SPICE1: variants seen among roughly 807,000 people sequenced by gnomAD.
SPICE1 encodes the protein spindle and centriole associated protein 1, also known as spindle and centriole-associated protein 1.
In SPICE1, 75 loss-of-function variants were observed where a neutral mutation model predicts 102.7. That is an observed-to-expected ratio of 0.73 (90% CI 0.61 to 0.88). The LOEUF is 0.88. Among genes scored for constraint, SPICE1 ranks in the 40% least tolerant of loss-of-function variants. The probability of loss-of-function intolerance (pLI) is 0.00; values close to 1 mark genes in which losing one functional copy is unlikely to be tolerated. For synonymous variants in SPICE1, 308 were observed against 350.3 expected (o/e 0.88, Z 1.35); for missense variants, 979 against 1,020.1 (o/e 0.96, Z 0.55).
chr3:113,485,179 T>TG (rs1282802174), intron 7 of SPICE1, among the ~76,000 whole-genome samples: 2 of 150,820 alleles, frequency 1.3e-5, no homozygotes, highest in African/African-American at 4.9e-5. Flanking sequence ...TTTGTTTGTT[T>TG]TTTTTTTTTT....
rs759334662 is a variant in SPICE1, at chr3:113,469,106, C to T, written c.744G>A (p.Glu248=). The change falls in exon 8 of 18, where the codon GAG becomes GAA. Residue 248 remains glutamate, a synonymous_variant. Transcript: ENST00000295872. ...GTPSSALSSG[E]QRAALNATNA... Reference sequence around the variant, plus strand: ...TGCAAAAGGGAAACAAACCTCTTTGCTCCCCTGATGAAAGAGCAGATGATG... The same window carrying T: ...TGCAAAAGGGAAACAAACCTCTTTGTTCCCCTGATGAAAGAGCAGATGATG... 6.8e-6 allele frequency: 11 copies of T among 1,611,824 alleles called. No homozygotes were observed. Among genetic ancestry groups the T allele is most frequent in the East Asian group, 2.2e-5 (1 of 44,864 alleles).
Position 113,444,364 on chromosome 3 carries a change from G to A in SPICE1, c.*943C>T, listed in dbSNP as rs73239130. The stretch of plus-strand genomic sequence containing the variant: ...AAAATACACAAATTAGCTGGGCGTG[G>A]TGGCATGAACCTATAATCCTAGCTA... On this transcript the variant is annotated 3_prime_UTR_variant, in exon 18 of 18. Transcript: ENST00000295872. 0.037 allele frequency: 5,566 copies of A among 152,194 alleles called. 185 individuals carry two copies. The highest frequency in any genetic ancestry group is 0.09 in the African/African-American group (3,732 of 41,486). The allele number at this position is 152,194 out of a possible 1,614,324, so 9.4% of individuals were successfully genotyped here.
At chr3:113,492,457 A>G (rs1246197301) in intron 6 of SPICE1, among the ~76,000 whole-genome samples, 1 of 152,160 alleles carries the variant, frequency 6.6e-6, no homozygotes, top group Non-Finnish European at 1.5e-5. Context: ...CAAAATTCTA[A>G]ACATTTTCAT....
At position 113,445,037 on chromosome 3, in the gene SPICE1, C is replaced by A. The variant is rs1048830715; in HGVS notation, c.*270G>T. Reference sequence around the variant, plus strand: ...GTAAAAATGTATTAATAAAAAAAACCCTTAAAATACTTAAGAAAGTATTAA... The same window carrying A: ...GTAAAAATGTATTAATAAAAAAAACACTTAAAATACTTAAGAAAGTATTAA... On this transcript the variant is annotated 3_prime_UTR_variant, in exon 18 of 18. Transcript: ENST00000295872. The A allele has an allele frequency of 1.2e-5, 3 of 256,720 alleles. No homozygotes were observed. Among genetic ancestry groups the A allele is most frequent in the Admixed American group, 1.1e-4 (2 of 18,476 alleles). The allele number at this position is 256,720 out of a possible 1,614,324, so 15.9% of individuals were successfully genotyped here.
At chr3:113,464,238 T>G (rs1935999900) in intron 11 of SPICE1, among the ~76,000 whole-genome samples, 1 of 150,916 alleles carries the variant, frequency 6.6e-6, no homozygotes, top group South Asian at 2.1e-4. Flanking sequence ...AATTTGTGTG[T>G]GGTTTCAGTT....
intron 11 of SPICE1, 32 bp downstream of exon 11, chr3:113,465,621 A>C (rs1300212507): frequency 6.2e-7 from 1 of 1,600,984 alleles, no homozygotes; most frequent in Admixed American, 1.7e-5. Flanking sequence ...TATACCACTG[A>C]ACACATAAAA....
At chr3:113,498,357 T>G (rs1179999772) in intron 4 of SPICE1, among the ~76,000 whole-genome samples, 1 of 152,158 alleles carries the variant, frequency 6.6e-6, no homozygotes, top group African/African-American at 2.4e-5. Context: ...ATAACTTGTA[T>G]GAGAAATTCA....
intron 4 of SPICE1, among the ~76,000 whole-genome samples, chr3:113,496,799 GCAAAT>G (rs1304736635): frequency 6.6e-6 from 1 of 152,174 alleles, no homozygotes; most frequent in Non-Finnish European, 1.5e-5. Flanking sequence ...CAGAGACGTT[GCAAAT>G]TTACCAACAT....
At chr3:113,499,241 G>T (rs903966416) in intron 4 of SPICE1, 198 bp downstream of exon 4, 1 of 482,628 alleles carries the variant, frequency 2.1e-6, no homozygotes, top group Non-Finnish European at 3.6e-6. Flanking sequence ...CAGCTGGTAA[G>T]TAGTAGAACA....
chr3:113,499,414 T>A (rs1286215691), intron 4 of SPICE1, 25 bp downstream of exon 4: 1 of 1,595,828 alleles, frequency 6.3e-7, no homozygotes, highest in Non-Finnish European at 8.5e-7. Flanking sequence ...TTTTTCTTTC[T>A]AACTCTAATG....
At chr3:113,468,734 T>C (rs1227787943) in intron 9 of SPICE1, 28 bp downstream of exon 9, 3 of 1,601,342 alleles carry the variant, frequency 1.9e-6, no homozygotes, top group Non-Finnish European at 2.6e-6. Context: ...ATGTTTAATA[T>C]TCATCTTTGT....
At chr3:113,474,742 A>G (rs868668540) in intron 7 of SPICE1, among the ~76,000 whole-genome samples, 45 of 152,372 alleles carry the variant, frequency 3.0e-4, no homozygotes, top group African/African-American at 9.9e-4. Context: ...GAAACCAACG[A>G]GAACAAAGAC....
Position 113,445,227 on chromosome 3 carries a change from G to T in SPICE1, c.*80C>A. 9.2e-7 allele frequency: 1 copy of T among 1,083,584 alleles called. No individual in the cohort carries two copies. The highest frequency in any genetic ancestry group is 1.4e-6 in the Non-Finnish European group (1 of 722,794). 67.1% of individuals were successfully genotyped at this position (1,083,584 alleles called of 1,614,324 possible). On this transcript the variant is annotated 3_prime_UTR_variant, in exon 18 of 18. Coordinates refer to ENST00000295872, the MANE Select transcript of SPICE1 (RefSeq NM_144718.4). ...CTTTGTAGGTTTTATCTGAAAGAAG[G>T]ATATAAAAACTTAAAAGTCAGAGCA... is the stretch of plus-strand genomic sequence containing the variant.
intron 1 of SPICE1, among the ~76,000 whole-genome samples, chr3:113,509,378 T>G (rs1937175248): frequency 6.6e-6 from 1 of 152,176 alleles, no homozygotes; most frequent in African/African-American, 2.4e-5. Flanking sequence ...AGTATACCTA[T>G]ATGATGAATT....
chr3:113,446,461 C>A, intron 17 of SPICE1, 128 bp downstream of exon 17: 1 of 737,840 alleles, frequency 1.4e-6, no homozygotes, highest in South Asian at 1.9e-5. Flanking sequence ...ATTAGTATTT[C>A]TTTTCTTTTA....
In SPICE1 at chr3:113,464,425, A is replaced by AT. The variant is rs1460483138; in HGVS notation, c.1287+1227dup. Among the ~76,000 whole-genome samples the AT allele has an allele frequency of 2.0e-5, 3 of 151,500 alleles. No homozygotes were observed. The East Asian group carries it at 5.8e-4, about 30-fold the overall frequency. On this transcript the variant is annotated intron_variant, in intron 11 of 17. Coordinates refer to ENST00000295872, the MANE Select transcript of SPICE1 (RefSeq NM_144718.4). ...GCATATGCTACCATGCCCAGCTAAT[A>AT]TTTTTATTTTTTGTAGAGACAGGTC...
chr3:113,514,867 A>G, intron 1 of SPICE1, 30 bp downstream of exon 1: 1 of 1,214,470 alleles, frequency 8.2e-7, no homozygotes, highest in Non-Finnish European at 1.0e-6. Context: ...CCACGCACAA[A>G]CATACCCAGA....
At chr3:113,488,898 A>G (rs781158155) in intron 7 of SPICE1, 47 bp downstream of exon 7, 3 of 1,137,156 alleles carry the variant, frequency 2.6e-6, no homozygotes, top group Non-Finnish European at 1.3e-6. Flanking sequence ...TGAAATGGCC[A>G]TGGAAAAAAC....
At chr3:113,455,665 T>C (rs1415610031) in intron 13 of SPICE1, among the ~76,000 whole-genome samples, 1 of 152,244 alleles carries the variant, frequency 6.6e-6, no homozygotes, top group African/African-American at 2.4e-5. Flanking sequence ...TTTAACTGAA[T>C]AATTCTTTAT....
Sources: allele counts gnomAD v4.1 joint callset (sites outside exome capture counted in the v4.1 genomes callset), GRCh38; gene constraint gnomAD v4.1.1; transcripts MANE v1.5; gene names NCBI Gene and HGNC (gene_info 2026-07-23, HGNC 2026-07-21).